Variants in ZNF503 observed in about 807,000 individuals in gnomAD.
The protein encoded by ZNF503 is NocA-like zinc finger 2.
ZNF503 carries 15 observed loss-of-function variants against 34.4 expected under a neutral mutation model. That is an observed-to-expected ratio of 0.44 (90% CI 0.29 to 0.67). The LOEUF is 0.67. ZNF503 is among the 30% of genes least tolerant of loss of function. ZNF503 has a pLI of 0.13. For synonymous variants in ZNF503, 580 were observed against 456.8 expected (o/e 1.27, Z -3.44); for missense variants, 1,007 against 926.8 (o/e 1.09, Z -1.12).
the ZNF503 span, among the ~76,000 whole-genome samples, chr10:75,328,082 G>C: frequency 6.6e-6 from 1 of 152,056 alleles, no homozygotes; most frequent in East Asian, 1.9e-4. Flanking sequence ...TTCCTTTGCT[G>C]TGCAGGGGCT....
the ZNF503 span, among the ~76,000 whole-genome samples, chr10:75,318,029 A>G: frequency 6.6e-6 from 1 of 152,070 alleles, no homozygotes; most frequent in Non-Finnish European, 1.5e-5. Flanking sequence ...ACATACATAA[A>G]TCTTTTATAC....
chr10:75,287,669 C>T, the ZNF503 span, among the ~76,000 whole-genome samples: 1 of 152,170 alleles, frequency 6.6e-6, no homozygotes, highest in Non-Finnish European at 1.5e-5. Flanking sequence ...AGTGAGTGGA[C>T]CAGGGCCTCT....
rs1307485496 is a variant in ZNF503 at position 75,397,998 on chromosome 10, AG to A, written c.*750del. The A allele has an allele frequency of 6.6e-6, 1 of 152,316 alleles. No homozygotes were observed. Among genetic ancestry groups the A allele is most frequent in the Non-Finnish European group, 1.5e-5 (1 of 68,002 alleles). The allele number at this position is 152,316 out of a possible 1,614,324, so 9.4% of individuals were successfully genotyped here. A position where few individuals can be genotyped will look rare whatever the true frequency, so the allele number is the denominator to read the frequency against. On this transcript the variant is annotated 3_prime_UTR_variant, in exon 2 of 2. Coordinates refer to ENST00000372524, the MANE Select transcript of ZNF503 (RefSeq NM_032772.6). ...TTTAAAGAACAAAATAAGGCAAATG[AG>A]GTTTTGGAATAGAATTTTTTCTTTT...
At chr10:75,302,626 GT>G in the ZNF503 span, among the ~76,000 whole-genome samples, 2 of 152,296 alleles carry the variant, frequency 1.3e-5, no homozygotes, top group South Asian at 4.1e-4. Flanking sequence ...CCCAGGATAT[GT>G]GAGGAATCTC....
chr10:75,355,182 ATCC>A, the ZNF503 span, among the ~76,000 whole-genome samples: 1 of 152,060 alleles, frequency 6.6e-6, no homozygotes, highest in South Asian at 2.1e-4. Flanking sequence ...TTCAATCCAC[ATCC>A]TCCTCCTTAT....
At chr10:75,351,478 T>C in the ZNF503 span, among the ~76,000 whole-genome samples, 6 of 152,090 alleles carry the variant, frequency 3.9e-5, no homozygotes, top group Non-Finnish European at 7.3e-5. Context: ...AGCCAGGAGG[T>C]GGCATTTTTG....
the ZNF503 span, among the ~76,000 whole-genome samples, chr10:75,348,050 T>TTTTTC: frequency 6.6e-6 from 1 of 151,792 alleles, no homozygotes; most frequent in Non-Finnish European, 1.5e-5. Flanking sequence ...ACCTGGCTAA[T>TTTTTC]TTTTGTTTTC....
chr10:75,281,953 T>C, the ZNF503 span, among the ~76,000 whole-genome samples: 1 of 152,250 alleles, frequency 6.6e-6, no homozygotes, highest in African/African-American at 2.4e-5. Flanking sequence ...AGAGTCATTC[T>C]CCAGTTGGGA....
the ZNF503 span, among the ~76,000 whole-genome samples, chr10:75,335,074 C>G: frequency 6.6e-6 from 1 of 152,152 alleles, no homozygotes; most frequent in Non-Finnish European, 1.5e-5. Flanking sequence ...AATCTCAGTT[C>G]CATCATTTAC....
At chr10:75,389,326 G>T in the ZNF503 span, among the ~76,000 whole-genome samples, 1 of 152,038 alleles carries the variant, frequency 6.6e-6, no homozygotes, top group Non-Finnish European at 1.5e-5. Context: ...GTTTCCCAGG[G>T]GTCTCCTCTT....
downstream of ZNF503, among the ~76,000 whole-genome samples, chr10:75,396,059 C>T (rs1358386829): frequency 6.6e-6 from 1 of 152,164 alleles, no homozygotes; most frequent in East Asian, 1.9e-4. This position sits in a 1 kb window ranked among gnomAD's most constrained non-coding sequence, Gnocchi z 4.4. Context: ...GAGTGGTAGA[C>T]GCCTGGCTTT....
the ZNF503 span, among the ~76,000 whole-genome samples, chr10:75,365,684 T>C: frequency 6.6e-6 from 1 of 152,222 alleles, no homozygotes; most frequent in Non-Finnish European, 1.5e-5. Flanking sequence ...TATCTGTGCT[T>C]CAGCTTTCTC....
the ZNF503 span, among the ~76,000 whole-genome samples, chr10:75,321,067 G>A: frequency 6.6e-6 from 1 of 152,256 alleles, no homozygotes; most frequent in African/African-American, 2.4e-5. Context: ...TCCCCCTAGT[G>A]CCATTCTTGT....
the ZNF503 span, among the ~76,000 whole-genome samples, chr10:75,328,769 G>A: frequency 1.6e-5 from 2 of 121,878 alleles, no homozygotes; most frequent in African/African-American, 6.5e-5. Context: ...TTTTTGAGAC[G>A]AAGTCTCGCT....
the ZNF503 span, chr10:75,338,442 T>A: frequency 6.6e-6 from 1 of 152,244 alleles, no homozygotes; most frequent in East Asian, 1.9e-4. Flanking sequence ...AAATATATTA[T>A]TTAAATGACA....
the ZNF503 span, among the ~76,000 whole-genome samples, chr10:75,334,956 G>T: frequency 2.2e-4 from 34 of 152,280 alleles, no homozygotes; most frequent in Admixed American, 1.1e-3. Context: ...TTTCAAACCA[G>T]ATTTCCTAGT....
chr10:75,343,543 C>G, the ZNF503 span, among the ~76,000 whole-genome samples: 1 of 152,206 alleles, frequency 6.6e-6, no homozygotes, highest in Admixed American at 6.5e-5. Flanking sequence ...TCCCCACTGC[C>G]CAAGGACTGT....
chr10:75,350,492 A>G, the ZNF503 span: 1 of 152,170 alleles, frequency 6.6e-6, no homozygotes, highest in Non-Finnish European at 1.5e-5. Flanking sequence ...TATCAGCTTG[A>G]TGTGTATTTT....
the ZNF503 span, among the ~76,000 whole-genome samples, chr10:75,353,049 A>T: frequency 5.9e-5 from 9 of 152,320 alleles, no homozygotes; most frequent in East Asian, 1.7e-3. Flanking sequence ...AGGGGAGAAA[A>T]CACGTCAGAC....
Sources: gnomAD v4.1 joint callset for allele counts (sites outside exome capture counted in the v4.1 genomes callset) on GRCh38, gnomAD v4.1.1 for gene constraint, Gnocchi (gnomAD v3.1) non-coding constraint, MANE v1.5 for transcripts, NCBI Gene and HGNC (gene_info 2026-07-23, HGNC 2026-07-21) for gene names.